The following NKAIN3 variants were observed in gnomAD, a reference collection of about 807,000 sequenced individuals.
NKAIN3 encodes the protein sodium/potassium transporting ATPase interacting 3.
NKAIN3 carries 25 observed loss-of-function variants against 30.2 expected under a neutral mutation model. The ratio of observed to expected loss-of-function variants is 0.83; its 90% CI spans 0.60 to 1.16. NKAIN3 has a LOEUF of 1.16. NKAIN3 is among the 50% of genes most tolerant of loss of function. The pLI, the probability that NKAIN3 is intolerant of heterozygous loss-of-function variation, is 0.00. For missense variants in NKAIN3, 225 were observed against 254.1 expected, an observed-to-expected ratio of 0.89 and a Z score of 0.78; for synonymous variants, 91 against 89.6, an observed-to-expected ratio of 1.02 and a Z score of -0.09.
chr8:62,658,254 T>A (rs1187626725), intron 3 of NKAIN3, among the ~76,000 whole-genome samples: 1 of 152,146 alleles, frequency 6.6e-6, no homozygotes, highest in Non-Finnish European at 1.5e-5. Context: ...GCATTAAGGA[T>A]CCTTATTACA....
chr8:62,888,561 C>A (rs1821214348), intron 4 of NKAIN3, among the ~76,000 whole-genome samples: 1 of 152,194 alleles, frequency 6.6e-6, no homozygotes, highest in African/African-American at 2.4e-5. Flanking sequence ...GTTTGCCCTG[C>A]AACCTTACTT....
intron 3 of NKAIN3, among the ~76,000 whole-genome samples, chr8:62,666,279 A>G (rs1380134357): frequency 1.3e-5 from 2 of 152,174 alleles, no homozygotes; most frequent in Non-Finnish European, 2.9e-5. Context: ...AAGTTCTGTA[A>G]CCATACACAC....
chr8:62,406,914 A>G (rs555885229), intron 1 of NKAIN3, among the ~76,000 whole-genome samples: 3 of 152,326 alleles, frequency 2.0e-5, no homozygotes, highest in Non-Finnish European at 2.9e-5. Context: ...GTTTCAAGCA[A>G]TGTTTCAATT....
intron 5 of NKAIN3, among the ~76,000 whole-genome samples, chr8:62,932,543 A>G (rs568183151): frequency 1.3e-5 from 2 of 152,346 alleles, no homozygotes; most frequent in East Asian, 3.9e-4. Context: ...AAAATAAGCT[A>G]TAATAGCACA....
intron 1 of NKAIN3, among the ~76,000 whole-genome samples, chr8:62,403,070 T>C (rs11781669): frequency 0.42 from 63,749 of 151,994 alleles, 15,434 homozygotes; most frequent in Non-Finnish European, 0.54. Context: ...CAGATGGAGA[T>C]GAGAAACTTG....
intron 1 of NKAIN3, among the ~76,000 whole-genome samples, chr8:62,386,095 C>T (rs16928847): frequency 0.14 from 21,023 of 152,036 alleles, 1,731 homozygotes; most frequent in East Asian, 0.4. Context: ...CTCTTGCTTG[C>T]GGGTATGTTT....
chr8:62,578,562 C>G (rs757909668), intron 1 of NKAIN3, among the ~76,000 whole-genome samples: 6 of 152,018 alleles, frequency 3.9e-5, no homozygotes, highest in Admixed American at 6.6e-5. Flanking sequence ...GTCATTATCA[C>G]CACTGGCAAT....
chr8:62,815,936 T>A (rs1345337538), intron 4 of NKAIN3, among the ~76,000 whole-genome samples: 2 of 152,222 alleles, frequency 1.3e-5, no homozygotes, highest in African/African-American at 4.8e-5. Flanking sequence ...GAGATCATAG[T>A]TTTCAAGATT....
At chr8:62,712,138 G>A (rs188024181) in intron 3 of NKAIN3, among the ~76,000 whole-genome samples, 21 of 152,296 alleles carry the variant, frequency 1.4e-4, no homozygotes, top group Non-Finnish European at 2.2e-4. Flanking sequence ...TTCTGGTAGA[G>A]GTGGTGGGAG....
chr8:62,662,217 T>C (rs1227749437), intron 3 of NKAIN3, among the ~76,000 whole-genome samples: 2 of 152,238 alleles, frequency 1.3e-5, no homozygotes, highest in Non-Finnish European at 1.5e-5. Context: ...CCAGACTGGC[T>C]GAGCTGCCTT....
intron 1 of NKAIN3, among the ~76,000 whole-genome samples, chr8:62,365,946 T>C (rs7837633): frequency 0.97 from 147,570 of 152,240 alleles, 71,580 homozygotes; most frequent in East Asian, 1. Context: ...TCCCCCCGCT[T>C]GAATTTTTCA....
chr8:62,801,964 T>G (rs996472984), intron 4 of NKAIN3, among the ~76,000 whole-genome samples: 1 of 152,086 alleles, frequency 6.6e-6, no homozygotes, highest in African/African-American at 2.4e-5. Flanking sequence ...GAGAACTATG[T>G]GAAGAATGTA....
intron 3 of NKAIN3, among the ~76,000 whole-genome samples, chr8:62,737,181 T>G (rs889038617): frequency 3.9e-5 from 6 of 152,210 alleles, no homozygotes; most frequent in Admixed American, 3.3e-4. Context: ...GTTCATGATG[T>G]GAGCTCCTGA....
intron 1 of NKAIN3, among the ~76,000 whole-genome samples, chr8:62,407,166 A>C (rs1804096826): frequency 6.6e-6 from 1 of 152,034 alleles, no homozygotes; most frequent in Non-Finnish European, 1.5e-5. Flanking sequence ...CAAAGAAAAA[A>C]ACTCATAAAT....
At chr8:62,500,443 AAG>A (rs1302198813) in intron 1 of NKAIN3, among the ~76,000 whole-genome samples, 1 of 130,452 alleles carries the variant, frequency 7.7e-6, no homozygotes, top group Non-Finnish European at 1.6e-5. Context: ...GAAAGAAAGA[AAG>A]AAAGAAAGAA....
chr8:62,745,026 C>T (rs184539930), intron 3 of NKAIN3, among the ~76,000 whole-genome samples: 106 of 152,322 alleles, frequency 7.0e-4, no homozygotes, highest in African/African-American at 2.3e-3. Flanking sequence ...GGGAATGTTA[C>T]TACCCTTGTG....
At chr8:62,387,128 A>G (rs976852103) in intron 1 of NKAIN3, among the ~76,000 whole-genome samples, 1 of 152,150 alleles carries the variant, frequency 6.6e-6, no homozygotes, top group Non-Finnish European at 1.5e-5. Context: ...TGAGTGTCAT[A>G]CAACAGGAAA....
rs368149104 is a variant in NKAIN3, at chr8:62,907,646, G to A, written c.472-10807G>A. On this transcript the variant is annotated intron_variant, in intron 4 of 6. Transcript: ENST00000623646. ...CCAGTTGTGGCTAAAAGGGGCCAAT[G>A]TACAGCTCAGGCTGTTGTTTCAGAG... Among the ~76,000 whole-genome samples, 9 of 152,322 alleles carry A rather than the reference G, an allele frequency of 5.9e-5. No homozygotes were observed. In the East Asian group the frequency reaches 9.6e-4, roughly 16 times the overall value.
At chr8:62,635,289 C>G (rs4738987) in intron 3 of NKAIN3, among the ~76,000 whole-genome samples, 40,784 of 152,086 alleles carry the variant, frequency 0.27, 5,798 homozygotes, top group African/African-American at 0.35. Flanking sequence ...TTATTTTACT[C>G]TGAGCTTTCC....
Sources: gnomAD v4.1 joint callset for allele counts (sites outside exome capture counted in the v4.1 genomes callset) on GRCh38, gnomAD v4.1.1 for gene constraint, MANE v1.5 for transcripts, NCBI Gene and HGNC (gene_info 2026-07-23, HGNC 2026-07-21) for gene names.